The following TMBIM4 variants were observed in gnomAD, a reference collection of about 807,000 sequenced individuals.
The protein encoded by TMBIM4 is protein lifeguard 4.
TMBIM4 carries 28 observed loss-of-function variants against 27.7 expected under a neutral mutation model. The ratio of observed to expected loss-of-function variants is 1.01; its 90% CI spans 0.75 to 1.38. The LOEUF (loss-of-function observed/expected upper bound fraction) is 1.38. TMBIM4 is among the 40% of genes most tolerant of loss of function. The pLI is 0.00. For missense variants in TMBIM4, 265 were observed against 277.5 expected (o/e 0.95, Z 0.32); for synonymous variants, 115 against 113.1 (o/e 1.02, Z -0.11).
chr12:66,138,192 T>C (rs374571188), intron 6 of TMBIM4, 26 bp from the exon 7 acceptor site: 17 of 1,595,398 alleles, frequency 1.1e-5, no homozygotes, highest in African/African-American at 1.4e-5. Context: ...TAAAGAAATA[T>C]GTTTATATTT....
rs2051618679 is a variant in TMBIM4 at position 66,138,781 on chromosome 12, C to T, written c.465-12G>A. ...AAAGAGCAAACAGCCTATAAAAATA[C>T]AATTTTAGTAATTTGCAATATTGTT... On this transcript the variant is annotated splice_polypyrimidine_tract_variant and intron_variant, in intron 5 of 6. Coordinates refer to ENST00000358230, the MANE Select transcript of TMBIM4 (RefSeq NM_016056.4). The T allele has an allele frequency of 6.5e-7, 1 of 1,531,702 alleles. No homozygotes were observed. Among genetic ancestry groups the T allele is most frequent in the Non-Finnish European group, 8.7e-7 (1 of 1,148,478 alleles). The allele number at this position is 1,531,702 out of a possible 1,614,324, so 94.9% of individuals were successfully genotyped here. A position where few individuals can be genotyped will look rare whatever the true frequency, so the allele number is the denominator to read the frequency against.
intron 5 of TMBIM4, among the ~76,000 whole-genome samples, chr12:66,142,718 TTGTC>T (rs2051688808): frequency 6.6e-6 from 1 of 151,618 alleles, no homozygotes; most frequent in South Asian, 2.1e-4. Context: ...CTTAAAAAGA[TTGTC>T]TGGAACAAAG....
chr12:66,141,601 G>A (rs999144410), intron 5 of TMBIM4, among the ~76,000 whole-genome samples: 1 of 151,172 alleles, frequency 6.6e-6, no homozygotes, highest in South Asian at 2.1e-4. Flanking sequence ...TAAATATAAA[G>A]ACACAAATAC....
chr12:66,162,630 C>T (rs112853139), intron 1 of TMBIM4, among the ~76,000 whole-genome samples: 2,078 of 152,328 alleles, frequency 0.014, 44 homozygotes, highest in African/African-American at 0.046. Flanking sequence ...AGTTCCCAAA[C>T]GCTTCTCTAG....
At position 66,169,936 on chromosome 12, in the gene TMBIM4, G is replaced by T. The variant is rs776747003; in HGVS notation, c.16C>A (p.Pro6Thr). The T allele has an allele frequency of 1.0e-5, 15 of 1,496,348 alleles. No homozygotes were observed. The African/African-American group carries it at 1.9e-4, about 19-fold the overall frequency. The allele number at this position is 1,496,348 out of a possible 1,614,324, so 92.7% of individuals were successfully genotyped here. MADPDPRYPRSSIEDD... is the reference protein window; with the variant it reads MADPDTRYPRSSIEDD... The stretch of plus-strand genomic sequence containing the variant: ...TCGATCGAGGAGCGAGGGTACCGGG[G>T]GTCGGGGTCAGCCATGATGGCAACA... The change falls in exon 1 of 7, where the codon CCC (proline) becomes ACC (threonine). Residue 6 changes from proline to threonine, a missense_variant. Physicochemically the swap from Pro to Thr is conservative, Grantham distance 38. Transcript: ENST00000358230.
At chr12:66,143,463 A>G (rs1405629661) in intron 5 of TMBIM4, among the ~76,000 whole-genome samples, 2 of 152,128 alleles carry the variant, frequency 1.3e-5, no homozygotes, top group Non-Finnish European at 2.9e-5. Context: ...GTGTACATAC[A>G]TCCTTCATGG....
chr12:66,160,230 A>G, intron 1 of TMBIM4: 1 of 703,336 alleles, frequency 1.4e-6, no homozygotes, highest in Non-Finnish European at 2.6e-6. Context: ...AAAAAATCTG[A>G]TGATATTCAG....
chr12:66,138,043 A>C lies in TMBIM4; in HGVS notation c.634T>G (p.Leu212Val). The C allele has an allele frequency of 6.2e-7, 1 of 1,614,108 alleles. No homozygotes were observed. The highest frequency in any genetic ancestry group is 1.1e-5 in the South Asian group (1 of 91,084). The change falls in exon 7 of 7, where the codon TTA (leucine) becomes GTA (valine). Residue 212 changes from leucine to valine, a missense_variant. Physicochemically the swap from Leu to Val is conservative, Grantham distance 32. Coordinates refer to ENST00000358230, the MANE Select transcript of TMBIM4 (RefSeq NM_016056.4). ...MHKLSPEEYV[L>V]AAISLYLDII... ...TCCAAGTAGAGGCTGATGGCAGCTAATACGTACTCTTCAGGTGACAGTTTA... is the reference window on the plus strand; with the variant it reads ...TCCAAGTAGAGGCTGATGGCAGCTACTACGTACTCTTCAGGTGACAGTTTA...
intron 1 of TMBIM4, among the ~76,000 whole-genome samples, chr12:66,156,011 A>T (rs1463926654): frequency 6.6e-6 from 1 of 152,220 alleles, no homozygotes; most frequent in Non-Finnish European, 1.5e-5. Flanking sequence ...CATACTAAAA[A>T]ATTCTCCTTA....
intron 1 of TMBIM4, among the ~76,000 whole-genome samples, chr12:66,163,470 G>A (rs2052076325): frequency 6.6e-6 from 1 of 152,140 alleles, no homozygotes; most frequent in African/African-American, 2.4e-5. Context: ...AATCATGGTG[G>A]AAGGGGAAGC....
rs373598538 is a variant in TMBIM4, at chr12:66,140,826, T to C, written c.465-2057A>G. On this transcript the variant is annotated intron_variant, in intron 5 of 6. Coordinates refer to ENST00000358230, the MANE Select transcript of TMBIM4 (RefSeq NM_016056.4). The stretch of plus-strand genomic sequence containing the variant: ...AGGGGGAGGGAACCACACCAAGGAA[T>C]ATTTTAATCAAATTACTGCAAACCA... Among the ~76,000 whole-genome samples, 7 of 152,252 alleles carry C rather than the reference T, an allele frequency of 4.6e-5. No individual in the cohort carries two copies. In the East Asian group the frequency reaches 1.2e-3, roughly 25 times the overall value.
chr12:66,142,531 G>A (rs922348030), intron 5 of TMBIM4, among the ~76,000 whole-genome samples: 2 of 151,482 alleles, frequency 1.3e-5, no homozygotes, highest in Admixed American at 1.3e-4. Flanking sequence ...CAGGGCCCAG[G>A]TGATGCTAAG....
At chr12:66,146,089 C>A in intron 4 of TMBIM4, 131 bp from the exon 5 acceptor site, 1 of 544,870 alleles carries the variant, frequency 1.8e-6, no homozygotes, top group Non-Finnish European at 3.3e-6. Context: ...GAAAAGATTT[C>A]TTATCCATCC....
chr12:66,141,152 A>G (rs1015862049), intron 5 of TMBIM4, among the ~76,000 whole-genome samples: 2 of 152,174 alleles, frequency 1.3e-5, no homozygotes, highest in Non-Finnish European at 2.9e-5. Context: ...GTGGAAATTT[A>G]GATTTACATG....
At chr12:66,167,933 T>G (rs1343368484) in intron 1 of TMBIM4, among the ~76,000 whole-genome samples, 1 of 152,104 alleles carries the variant, frequency 6.6e-6, no homozygotes, top group Non-Finnish European at 1.5e-5. Context: ...AAAAGGAAAT[T>G]CTGCAGCCAG....
intron 5 of TMBIM4, among the ~76,000 whole-genome samples, chr12:66,142,755 A>T (rs1480445686): frequency 1.5e-5 from 2 of 130,656 alleles, no homozygotes; most frequent in African/African-American, 5.2e-5. Flanking sequence ...ATCATTCACA[A>T]GACATTCAGA....
intron 5 of TMBIM4, among the ~76,000 whole-genome samples, chr12:66,145,533 C>T (rs1191889929): frequency 6.6e-6 from 1 of 152,034 alleles, no homozygotes; most frequent in Non-Finnish European, 1.5e-5. Flanking sequence ...AAGACAAAGA[C>T]TGAAGTAATT....
intron 1 of TMBIM4, chr12:66,160,215 A>C: frequency 1.4e-6 from 1 of 703,406 alleles, no homozygotes; most frequent in South Asian, 1.5e-5. Flanking sequence ...AGATTGCCGG[A>C]GATGAAAAAA....
intron 1 of TMBIM4, among the ~76,000 whole-genome samples, chr12:66,163,316 C>T (rs2052072625): frequency 6.6e-6 from 1 of 152,130 alleles, no homozygotes; most frequent in Admixed American, 6.5e-5. Flanking sequence ...TATATCACAT[C>T]GTCACTGTTC....
Sources: allele counts gnomAD v4.1 joint callset (sites outside exome capture counted in the v4.1 genomes callset), GRCh38; gene constraint gnomAD v4.1.1; transcripts MANE v1.5; gene names NCBI Gene and HGNC (gene_info 2026-07-23, HGNC 2026-07-21).